The following RORA variants were observed in gnomAD, a reference collection of about 807,000 sequenced individuals.
RORA encodes the protein RAR related orphan receptor A, also known as nuclear receptor ROR-alpha.
Under a neutral mutation model 69.5 loss-of-function variants are expected in RORA, and 7 were observed. The ratio of observed to expected loss-of-function variants is 0.10; its 90% CI spans 0.06 to 0.19. The LOEUF (loss-of-function observed/expected upper bound fraction) is 0.19, where lower values mean the gene tolerates loss of function less well. RORA is among the 10% of genes least tolerant of loss of function. RORA has a pLI of 1.00. For synonymous variants in RORA, 261 were observed against 240.8 expected (o/e 1.08, Z -0.78); for missense variants, 457 against 663.0 (o/e 0.69, Z 3.41).
intron 1 of RORA, among the ~76,000 whole-genome samples, chr15:60,752,379 A>G (rs190254321): frequency 1.2e-4 from 19 of 152,258 alleles, no homozygotes; most frequent in African/African-American, 4.3e-4. Context: ...GTGAAAGGAA[A>G]GTGTGGCGAC....
At chr15:60,978,548 T>C (rs1040476979) in intron 1 of RORA, among the ~76,000 whole-genome samples, 4 of 152,236 alleles carry the variant, frequency 2.6e-5, no homozygotes, top group Non-Finnish European at 5.9e-5. Context: ...CCAATTTTTT[T>C]CTTTTATTGC....
At chr15:60,975,035 G>A (rs1382717143) in intron 1 of RORA, among the ~76,000 whole-genome samples, 6 of 152,194 alleles carry the variant, frequency 3.9e-5, no homozygotes, top group East Asian at 1.9e-4. Context: ...CAGAGAGCCC[G>A]GAATCTTTCC....
chr15:60,913,624 A>G lies in RORA; in HGVS notation c.167-234938T>C, dbSNP rs375713413. On this transcript the variant is annotated intron_variant, in intron 1 of 10. Coordinates refer to ENST00000335670, the MANE Select transcript of RORA (RefSeq NM_134261.3). Reference sequence around the variant, plus strand: ...AAAACAGAAAGGTGGCCCTATTTTAAGGGAAATGTTAAAACAAAGACAATG... The same window carrying G: ...AAAACAGAAAGGTGGCCCTATTTTAGGGGAAATGTTAAAACAAAGACAATG... Among the ~76,000 whole-genome samples the G allele has an allele frequency of 1.7e-4, 26 of 152,282 alleles. No homozygotes were observed. The East Asian group carries it at 2.7e-3, about 16-fold the overall frequency.
intron 1 of RORA, among the ~76,000 whole-genome samples, chr15:60,936,604 G>A (rs1892529926): frequency 1.8e-5 from 2 of 109,158 alleles, no homozygotes; most frequent in East Asian, 2.9e-4. Flanking sequence ...ATCCACCCCT[G>A]AGAGCAACTG....
chr15:60,951,564 G>C (rs1244129529), intron 1 of RORA, among the ~76,000 whole-genome samples: 1 of 150,292 alleles, frequency 6.7e-6, no homozygotes, highest in Non-Finnish European at 1.5e-5. Context: ...AAGAAAAAAA[G>C]AGAGAAGAAT....
At chr15:60,789,402 A>G (rs1163828613) in intron 1 of RORA, among the ~76,000 whole-genome samples, 1 of 152,244 alleles carries the variant, frequency 6.6e-6, no homozygotes, top group African/African-American at 2.4e-5. Context: ...TTTCTCTAGA[A>G]GAGTCTTCCT....
At chr15:60,516,003 A>ATT (rs1567051284) in intron 3 of RORA, among the ~76,000 whole-genome samples, 1 of 2,884 alleles carries the variant, frequency 3.5e-4, no homozygotes, top group Non-Finnish European at 6.8e-4. Context: ...ATATATATTT[A>ATT]TATATATTTA....
intron 1 of RORA, among the ~76,000 whole-genome samples, chr15:60,749,572 G>A (rs1375368271): frequency 6.6e-6 from 1 of 152,156 alleles, no homozygotes; most frequent in Non-Finnish European, 1.5e-5. Context: ...GTGGGAAAAA[G>A]TAAATGCAAA....
intron 1 of RORA, among the ~76,000 whole-genome samples, chr15:60,917,150 A>C (rs1891897545): frequency 6.6e-6 from 1 of 152,174 alleles, no homozygotes; most frequent in Non-Finnish European, 1.5e-5. Context: ...AGCCTTGGGC[A>C]CCTACCCGCC....
At chr15:60,757,859 C>T (rs900826154) in intron 1 of RORA, among the ~76,000 whole-genome samples, 4 of 152,142 alleles carry the variant, frequency 2.6e-5, no homozygotes, top group Non-Finnish European at 5.9e-5. Flanking sequence ...TTTTCACACT[C>T]TCACTGGGTT....
At chr15:61,119,896 C>A (rs1054286192) in intron 1 of RORA, among the ~76,000 whole-genome samples, 2 of 152,136 alleles carry the variant, frequency 1.3e-5, no homozygotes, top group African/African-American at 4.8e-5. Flanking sequence ...ACTCACTGTA[C>A]AGTACAAGGG....
intron 1 of RORA, among the ~76,000 whole-genome samples, chr15:61,156,410 C>A (rs2079443100): frequency 6.6e-6 from 1 of 152,070 alleles, no homozygotes. Context: ...TTCCTTTCTG[C>A]CCCCACAGGC....
At chr15:61,220,444 G>A (rs1322487601) in intron 1 of RORA, among the ~76,000 whole-genome samples, 4 of 152,192 alleles carry the variant, frequency 2.6e-5, no homozygotes, top group African/African-American at 7.2e-5. Context: ...AAATATACAT[G>A]TGTGTCCTCT....
intron 1 of RORA, among the ~76,000 whole-genome samples, chr15:61,077,767 T>C (rs965736044): frequency 2.0e-5 from 3 of 152,198 alleles, no homozygotes; most frequent in African/African-American, 7.2e-5. Context: ...AAGTCTCCCA[T>C]CTCACTCCAT....
In RORA at chr15:60,511,539, C is replaced by T. The variant is rs766310562; in HGVS notation, c.507G>A (p.Gln169=). 3 of 1,612,394 alleles carry T rather than the reference C, an allele frequency of 1.9e-6. No individual in the cohort carries two copies. The Admixed American group carries it at 5.0e-5, about 27-fold the overall frequency. ...CTCCAGGCTGCTGCTGGTGGTCGCG[C>T]TGCTGCTGCTGCATCCGGTGTTTCT... The part of the protein sequence containing the change: ...EVQKHRMQQQ[Q]RDHQQQPGEA... The change falls in exon 5 of 11, where the codon CAG becomes CAA. Residue 169 remains glutamine, a synonymous_variant. Transcript: ENST00000335670. The surrounding 1 kb of genome is among the most constrained non-coding windows in gnomAD (Gnocchi z 6.4).
At chr15:61,165,997 G>A (rs1396742840) in intron 1 of RORA, among the ~76,000 whole-genome samples, 2 of 152,312 alleles carry the variant, frequency 1.3e-5, no homozygotes, top group Admixed American at 6.5e-5. Context: ...ACCTGAGCTC[G>A]ATGTGGGACT....
chr15:60,651,835 T>G (rs904481890), intron 2 of RORA, among the ~76,000 whole-genome samples: 12 of 152,228 alleles, frequency 7.9e-5, no homozygotes, highest in African/African-American at 2.9e-4. Flanking sequence ...ACTTTAGGTT[T>G]ATGTGGGGAA....
intron 1 of RORA, among the ~76,000 whole-genome samples, chr15:61,177,388 G>C (rs1364577597): frequency 6.6e-6 from 1 of 152,080 alleles, no homozygotes; most frequent in East Asian, 1.9e-4. Flanking sequence ...AATTTCAGTG[G>C]TCTGCACACT....
intron 1 of RORA, chr15:61,038,890 C>T: frequency 6.6e-6 from 1 of 152,400 alleles, no homozygotes; most frequent in Non-Finnish European, 1.5e-5. Flanking sequence ...ACGACTAAAA[C>T]ATGAGCATTC....
Sources: gnomAD v4.1 joint callset for allele counts (sites outside exome capture counted in the v4.1 genomes callset) on GRCh38, gnomAD v4.1.1 for gene constraint, Gnocchi (gnomAD v3.1) non-coding constraint, MANE v1.5 for transcripts, NCBI Gene and HGNC (gene_info 2026-07-23, HGNC 2026-07-21) for gene names.